The following SPAG16 variants were observed in gnomAD, a reference collection of about 807,000 sequenced individuals.
The protein encoded by SPAG16 is sperm associated antigen 16.
SPAG16 carries 86 observed loss-of-function variants against 80.4 expected under a neutral mutation model. The observed-to-expected ratio is 1.07, with a 90% CI of 0.90 to 1.28. The LOEUF (loss-of-function observed/expected upper bound fraction) is 1.28. SPAG16 is among the 50% of genes most tolerant of loss of function. The pLI, the probability that SPAG16 is intolerant of heterozygous loss-of-function variation, is 0.00. For missense variants in SPAG16, 870 were observed against 765.3 expected (o/e 1.14, Z -1.61); for synonymous variants, 294 against 265.9 (o/e 1.11, Z -1.03).
At chr2:213,492,365 A>G (rs2074283120) in intron 10 of SPAG16, among the ~76,000 whole-genome samples, 1 of 152,064 alleles carries the variant, frequency 6.6e-6, no homozygotes, top group Admixed American at 6.6e-5. Context: ...CCTGGCTAAC[A>G]CAGTGAAACC....
intron 12 of SPAG16, among the ~76,000 whole-genome samples, chr2:213,937,655 C>A (rs1025338340): frequency 9.9e-5 from 15 of 151,760 alleles, no homozygotes; most frequent in Non-Finnish European, 2.9e-5. Context: ...TTTTATTTTC[C>A]TTTCCCCCCC....
In SPAG16 at chr2:214,214,656, A is replaced by G. The variant is rs1307365689; in HGVS notation, c.1720+65390A>G. ...CATCATTTTATTTAGGCAGATCTAA[A>G]TTTTGTGGGTACAGAAGTTTATGCA... On this transcript the variant is annotated intron_variant, in intron 15 of 15. Transcript: ENST00000331683. 5.9e-5 allele frequency among the ~76,000 whole-genome samples: 9 copies of G among 152,076 alleles called. No individual in the cohort carries two copies. In the East Asian group the frequency reaches 1.7e-3, roughly 29 times the overall value.
intron 11 of SPAG16, among the ~76,000 whole-genome samples, chr2:213,907,436 A>G (rs2077474960): frequency 6.6e-6 from 1 of 151,686 alleles, no homozygotes; most frequent in Admixed American, 6.6e-5. Context: ...GTGAATGTAA[A>G]TTAGTACAGC....
At chr2:213,717,717 T>C (rs1279637137) in intron 10 of SPAG16, among the ~76,000 whole-genome samples, 2 of 152,146 alleles carry the variant, frequency 1.3e-5, no homozygotes, top group Non-Finnish European at 2.9e-5. Flanking sequence ...TTAACTCCTA[T>C]AATATGTAGT....
chr2:213,389,039 A>C (rs187184979), intron 9 of SPAG16, among the ~76,000 whole-genome samples: 2 of 152,342 alleles, frequency 1.3e-5, no homozygotes, highest in East Asian at 3.9e-4. Context: ...TACAGTAATC[A>C]AAACAGTATG....
intron 9 of SPAG16, among the ~76,000 whole-genome samples, chr2:213,432,301 A>C (rs1411840761): frequency 6.6e-6 from 1 of 152,094 alleles, no homozygotes; most frequent in Non-Finnish European, 1.5e-5. Context: ...AAAATGGAAA[A>C]TTTGTTTTTT....
At chr2:213,286,179 TATTTGAACTTTAAC>T (rs1422717189) in intron 1 of SPAG16, among the ~76,000 whole-genome samples, 4 of 152,152 alleles carry the variant, frequency 2.6e-5, no homozygotes, top group African/African-American at 4.8e-5. Context: ...TAATCACACT[TATTTGAACTTTAAC>T]ACATATAAGC....
chr2:213,580,043 C>T (rs1321281030), intron 10 of SPAG16, among the ~76,000 whole-genome samples: 2 of 152,072 alleles, frequency 1.3e-5, no homozygotes, highest in Non-Finnish European at 2.9e-5. Flanking sequence ...GTCACTCTCA[C>T]CTTCCCCCCA....
At chr2:214,096,243 T>C (rs1010104643) in intron 13 of SPAG16, among the ~76,000 whole-genome samples, 9 of 151,728 alleles carry the variant, frequency 5.9e-5, no homozygotes, top group African/African-American at 2.2e-4. Context: ...TTTATGATGC[T>C]GGTAGTTTTA....
At position 213,996,820 on chromosome 2, in the gene SPAG16, G is replaced by A. The variant is rs1202348138; in HGVS notation, c.1401-17131G>A. 9.2e-5 allele frequency among the ~76,000 whole-genome samples: 14 copies of A among 151,954 alleles called. 1 individual carries two copies. In the East Asian group the frequency reaches 2.7e-3, roughly 29 times the overall value. Reference sequence around the variant, plus strand: ...CCTGACCTCGTGATCTGCCCACCTCGGCCTCCCAAAGTGCTGGGATTACAG... The same window carrying A: ...CCTGACCTCGTGATCTGCCCACCTCAGCCTCCCAAAGTGCTGGGATTACAG... On this transcript the variant is annotated intron_variant, in intron 12 of 15. Transcript: ENST00000331683.
chr2:214,286,862 C>G (rs1335142234), intron 15 of SPAG16, among the ~76,000 whole-genome samples: 1 of 152,134 alleles, frequency 6.6e-6, no homozygotes, highest in Non-Finnish European at 1.5e-5. Flanking sequence ...TTAATGCTAC[C>G]CATAGTAGGC....
chr2:213,417,121 A>C (rs2069302989), intron 9 of SPAG16, among the ~76,000 whole-genome samples: 1 of 152,148 alleles, frequency 6.6e-6, no homozygotes, highest in South Asian at 2.1e-4. Flanking sequence ...CAAAGGCATG[A>C]TCTTGGCTAG....
intron 9 of SPAG16, among the ~76,000 whole-genome samples, chr2:213,399,941 A>G (rs2068229554): frequency 6.6e-6 from 1 of 151,982 alleles, no homozygotes; most frequent in Admixed American, 6.6e-5. Flanking sequence ...TATTTATCAT[A>G]TTTTTTATTA....
intron 10 of SPAG16, among the ~76,000 whole-genome samples, chr2:213,754,616 CTT>C (rs1053472520): frequency 5.8e-4 from 88 of 152,216 alleles, no homozygotes; most frequent in African/African-American, 1.6e-3. Flanking sequence ...TATTAAAAAA[CTT>C]TCATATTTTA....
intron 15 of SPAG16, among the ~76,000 whole-genome samples, chr2:214,212,072 A>G (rs2058309790): frequency 6.6e-6 from 1 of 152,102 alleles, no homozygotes; most frequent in South Asian, 2.1e-4. Context: ...TTATGTATGT[A>G]ATTTCTTAGC....
intron 1 of SPAG16, among the ~76,000 whole-genome samples, chr2:213,287,116 A>G (rs981677004): frequency 1.3e-5 from 2 of 152,234 alleles, no homozygotes; most frequent in Non-Finnish European, 2.9e-5. Context: ...AACACTAAGA[A>G]ATTGAGTTAT....
At chr2:213,784,546 T>C (rs1468713376) in intron 10 of SPAG16, among the ~76,000 whole-genome samples, 1 of 148,680 alleles carries the variant, frequency 6.7e-6, no homozygotes, top group Non-Finnish European at 1.5e-5. Context: ...ACAATTTTAC[T>C]TACGATAAAA....
At position 213,588,916 on chromosome 2, in the gene SPAG16, A is replaced by C. The variant is rs575121534; in HGVS notation, c.1070+98826A>C. On this transcript the variant is annotated intron_variant, in intron 10 of 15. Transcript: ENST00000331683. Reference sequence around the variant, plus strand: ...GAAAGTACAATCAGTTCTTATATCAAGATTCTTACATGGTAGAATTGCTGG... The same window carrying C: ...GAAAGTACAATCAGTTCTTATATCACGATTCTTACATGGTAGAATTGCTGG... Among the ~76,000 whole-genome samples the C allele has an allele frequency of 2.0e-5, 3 of 151,296 alleles. No homozygotes were observed. In the East Asian group the frequency reaches 5.8e-4, roughly 29 times the overall value.
chr2:214,169,481 C>T (rs1041036752), intron 15 of SPAG16, among the ~76,000 whole-genome samples: 9 of 152,002 alleles, frequency 5.9e-5, no homozygotes, highest in Non-Finnish European at 1.3e-4. Context: ...GGTGGGGACT[C>T]TTTACAACTG....
Sources: gnomAD v4.1 joint callset for allele counts (sites outside exome capture counted in the v4.1 genomes callset) on GRCh38, gnomAD v4.1.1 for gene constraint, MANE v1.5 for transcripts, NCBI Gene and HGNC (gene_info 2026-07-23, HGNC 2026-07-21) for gene names.